Variants in DNM3 observed in about 807,000 individuals in gnomAD.
DNM3 encodes the protein dynamin 3, also known as dynamin-3.
In DNM3, 47 loss-of-function variants were observed where a neutral mutation model predicts 101.6. That is an observed-to-expected ratio of 0.46 (90% CI 0.37 to 0.59). DNM3 has a LOEUF of 0.59. DNM3 is among the 20% of genes least tolerant of loss of function. The pLI, the probability that DNM3 is intolerant of heterozygous loss-of-function variation, is 0.00. For missense variants in DNM3, 849 were observed against 1,085.7 expected, an observed-to-expected ratio of 0.78 and a Z score of 3.06; for synonymous variants, 385 against 387.9, an observed-to-expected ratio of 0.99 and a Z score of 0.09.
chr1:172,105,889 C>T (rs2054977751), intron 13 of DNM3, among the ~76,000 whole-genome samples: 1 of 151,992 alleles, frequency 6.6e-6, no homozygotes, highest in African/African-American at 2.4e-5. Flanking sequence ...TACATGAAAA[C>T]CATTGATTTT....
intron 4 of DNM3, among the ~76,000 whole-genome samples, chr1:172,026,659 C>CT (rs565331702): frequency 0.047 from 6,690 of 143,340 alleles, 153 homozygotes; most frequent in South Asian, 0.087. Flanking sequence ...ATTCAACATG[C>CT]TTTTTTTTTT....
At chr1:172,084,097 A>C (rs1015998020) in intron 12 of DNM3, among the ~76,000 whole-genome samples, 6 of 152,180 alleles carry the variant, frequency 3.9e-5, no homozygotes, top group African/African-American at 1.4e-4. Flanking sequence ...TTGTTTTTCC[A>C]GGATATGCCA....
intron 1 of DNM3, among the ~76,000 whole-genome samples, chr1:171,880,232 T>G (rs895107103): frequency 6.6e-6 from 1 of 152,136 alleles, no homozygotes; most frequent in Non-Finnish European, 1.5e-5. Flanking sequence ...ATGTAAACCT[T>G]GTATATTACA....
chr1:172,107,729 TTGTTA>T (rs1424830150), intron 13 of DNM3, among the ~76,000 whole-genome samples: 2 of 152,212 alleles, frequency 1.3e-5, no homozygotes, highest in African/African-American at 4.8e-5. Context: ...TAGTGCTCTT[TTGTTA>T]TTTTTGTTCA....
chr1:172,185,472 G>T (rs4141906), intron 14 of DNM3, among the ~76,000 whole-genome samples: 11,918 of 152,066 alleles, frequency 0.078, 746 homozygotes, highest in African/African-American at 0.17. Context: ...ATTGTGGGTG[G>T]GGTGCATTTG....
At chr1:171,952,583 A>G (rs1321630572) in intron 2 of DNM3, among the ~76,000 whole-genome samples, 1 of 152,056 alleles carries the variant, frequency 6.6e-6, no homozygotes, top group Non-Finnish European at 1.5e-5. Flanking sequence ...CCCAGAGGGG[A>G]TCCATTTCAA....
intron 11 of DNM3, among the ~76,000 whole-genome samples, chr1:172,069,623 T>C (rs190747450): frequency 1.3e-5 from 2 of 152,302 alleles, no homozygotes; most frequent in Non-Finnish European, 2.9e-5. Flanking sequence ...TTATAAAATA[T>C]TATAACAGGA....
intron 1 of DNM3, among the ~76,000 whole-genome samples, chr1:171,848,144 A>G (rs2032441483): frequency 6.6e-6 from 1 of 152,106 alleles, no homozygotes; most frequent in Non-Finnish European, 1.5e-5. Flanking sequence ...CCAGTTCATC[A>G]TCTTCTCTTC....
intron 16 of DNM3, among the ~76,000 whole-genome samples, chr1:172,322,860 C>A (rs1012721565): frequency 3.3e-5 from 5 of 151,358 alleles, no homozygotes; most frequent in African/African-American, 1.2e-4. Flanking sequence ...ACCAAGGATG[C>A]AGTGTTTGTT....
At chr1:172,316,258 A>C (rs368606733) in intron 16 of DNM3, among the ~76,000 whole-genome samples, 6 of 152,174 alleles carry the variant, frequency 3.9e-5, no homozygotes, top group African/African-American at 9.7e-5. Context: ...TGGAAAGGAA[A>C]AACCGGTACC....
intron 14 of DNM3, among the ~76,000 whole-genome samples, chr1:172,217,953 A>G (rs982329339): frequency 7.2e-5 from 11 of 152,162 alleles, no homozygotes; most frequent in East Asian, 1.9e-4. Context: ...ATAACATTCT[A>G]TATTTGTTCA....
intron 2 of DNM3, among the ~76,000 whole-genome samples, chr1:171,974,735 T>C (rs2044249187): frequency 6.6e-6 from 1 of 152,228 alleles, no homozygotes. Flanking sequence ...TTCTAAATAT[T>C]TTAAGTTTAT....
At chr1:171,883,363 CCACACACACACACACACACA>C (rs71107337) in intron 1 of DNM3, among the ~76,000 whole-genome samples, 1,974 of 119,990 alleles carry the variant, frequency 0.016, 27 homozygotes, top group Middle Eastern at 0.067. Context: ...CAAAAAAGGA[CCACACACACACACACACACA>C]CACACACACA....
intron 11 of DNM3, among the ~76,000 whole-genome samples, chr1:172,071,484 T>C (rs2052188866): frequency 6.6e-6 from 1 of 152,132 alleles, no homozygotes; most frequent in South Asian, 2.1e-4. Context: ...CCTGGGACCA[T>C]GTGGTACTTT....
At position 172,027,913 on chromosome 1, in the gene DNM3, A is replaced by G. The variant is rs2048329283; in HGVS notation, c.590-4489A>G. ...ATGCACCCAATACAGGAGCATCCAG[A>G]ATTCATAAAGCAAGTTCCTAGAGAC... On this transcript the variant is annotated intron_variant, in intron 4 of 20. Coordinates refer to ENST00000627582, the MANE Select transcript of DNM3 (RefSeq NM_015569.5). 3.3e-5 allele frequency among the ~76,000 whole-genome samples: 5 copies of G among 152,126 alleles called. No homozygotes were observed. In the South Asian group the frequency reaches 1.0e-3, roughly 31 times the overall value.
chr1:172,239,101 C>T (rs1298334154), intron 14 of DNM3, among the ~76,000 whole-genome samples: 1 of 152,184 alleles, frequency 6.6e-6, no homozygotes, highest in Admixed American at 6.6e-5. Flanking sequence ...GCTATGGACG[C>T]AGTCCCAGAA....
At chr1:172,359,410 T>G (rs1344715679) in intron 17 of DNM3, among the ~76,000 whole-genome samples, 1 of 151,990 alleles carries the variant, frequency 6.6e-6, no homozygotes, top group African/African-American at 2.4e-5. Flanking sequence ...ATGTAGAGAA[T>G]CAGGGAGCCC....
At chr1:172,274,738 T>TA (rs1557916131) in intron 15 of DNM3, among the ~76,000 whole-genome samples, 26 of 113,426 alleles carry the variant, frequency 2.3e-4, no homozygotes, top group East Asian at 1.3e-3. Context: ...TTTTTTTTTT[T>TA]TAATTTTCAA....
At chr1:172,336,811 C>A (rs1390489524) in intron 17 of DNM3, among the ~76,000 whole-genome samples, 1 of 152,012 alleles carries the variant, frequency 6.6e-6, no homozygotes, top group Non-Finnish European at 1.5e-5. Context: ...AAGTGCCAGT[C>A]AGAGCTCAAA....
Sources: allele counts gnomAD v4.1 joint callset (sites outside exome capture counted in the v4.1 genomes callset), GRCh38; gene constraint gnomAD v4.1.1; transcripts MANE v1.5; gene names NCBI Gene and HGNC (gene_info 2026-07-23, HGNC 2026-07-21).